The following RRBP1 variants were observed in gnomAD, a reference collection of about 807,000 sequenced individuals.
RRBP1 encodes ribosome binding protein 1, also known as ribosome-binding protein 1.
In RRBP1, 94 loss-of-function variants were observed where a neutral mutation model predicts 165.2. The observed-to-expected ratio is 0.57, with a 90% confidence interval of 0.48 to 0.68. The LOEUF (loss-of-function observed/expected upper bound fraction) is 0.68. Ranked by LOEUF, RRBP1 falls within the 30% of genes least tolerant of loss-of-function variation. The pLI is 0.00. For missense variants in RRBP1, 1,676 were observed against 1,763.0 expected (o/e 0.95, Z 0.88); for synonymous variants, 680 against 714.5 (o/e 0.95, Z 0.77).
chr20:17,623,540 G>A (rs2035955040), intron 13 of RRBP1, among the ~76,000 whole-genome samples: 1 of 152,208 alleles, frequency 6.6e-6, no homozygotes, highest in Non-Finnish European at 1.5e-5. Flanking sequence ...GGAGACACCT[G>A]CACACGCCCC....
intron 2 of RRBP1, among the ~76,000 whole-genome samples, chr20:17,663,817 T>G (rs1437644230): frequency 6.6e-6 from 1 of 152,158 alleles, no homozygotes. Flanking sequence ...CTTCTAGGGC[T>G]TCCTCCACTG....
At chr20:17,678,565 A>C (rs544720887) in intron 2 of RRBP1, among the ~76,000 whole-genome samples, 29 of 152,288 alleles carry the variant, frequency 1.9e-4, no homozygotes, top group African/African-American at 6.7e-4. Flanking sequence ...TCAACATATT[A>C]CCACATGATC....
At chr20:17,634,934 G>A (rs2036220904) in intron 7 of RRBP1, among the ~76,000 whole-genome samples, 1 of 152,202 alleles carries the variant, frequency 6.6e-6, no homozygotes, top group African/African-American at 2.4e-5. Flanking sequence ...CCCAGACAAG[G>A]ACTAAGGGTG....
intron 3 of RRBP1, among the ~76,000 whole-genome samples, chr20:17,657,621 G>GAGGAA (rs1222029697): frequency 9.2e-5 from 14 of 151,884 alleles, no homozygotes; most frequent in African/African-American, 3.1e-4. Context: ...GAGGAGAGGA[G>GAGGAA]AGGAAAGGAA....
In RRBP1 at chr20:17,659,514, C is replaced by T; in HGVS notation, c.994G>A (p.Ala332Thr). 1 of 1,548,638 alleles carries T rather than the reference C, an allele frequency of 6.5e-7. No individual in the cohort carries two copies. The highest frequency in any genetic ancestry group is 2.5e-5 in the East Asian group (1 of 40,714). Residue 332 changes from alanine to threonine, a missense_variant, in exon 3 of 25, where the codon GCC becomes ACC. By Grantham distance (58) the Ala-to-Thr change is moderately conservative. Coordinates refer to ENST00000377813, the MANE Select transcript of RRBP1 (RefSeq NM_001365613.2). ...TTGCCCTGATTCTGGGCCCCCTCGG[C>T]CTTCTTGCCCTGGTTCTGGGCCCCC... ...GEGAQNQGKK[A>T]EGAQNQGKKA... is the part of the protein sequence containing the mutation.
chr20:17,680,612 C>T (rs1040590301), intron 1 of RRBP1, among the ~76,000 whole-genome samples: 3 of 152,050 alleles, frequency 2.0e-5, no homozygotes, highest in Admixed American at 6.5e-5. Context: ...TGGTTCCCGA[C>T]CCTGTGAGTG....
chr20:17,627,753 T>C, intron 9 of RRBP1, 71 bp from the exon 10 acceptor site: 1 of 1,439,674 alleles, frequency 6.9e-7, no homozygotes, highest in Non-Finnish European at 9.4e-7. Flanking sequence ...ATGCCCTCAC[T>C]GCTGCCCTCT....
rs576582596 is a variant in RRBP1 at position 17,668,623 on chromosome 20, C to G, written c.-21-8095G>C. On this transcript the variant is annotated intron_variant, in intron 2 of 24. Coordinates refer to ENST00000377813, the MANE Select transcript of RRBP1 (RefSeq NM_001365613.2). ...GATAAATTCTTACCTGTCATCTCCC[C>G]TTGCGACTACTGGGCAGGTGTTCTT... Among the ~76,000 whole-genome samples, 47 of 152,332 alleles carry G rather than the reference C, an allele frequency of 3.1e-4. 1 individual carries two copies. Among genetic ancestry groups the G allele is most frequent in the African/African-American group, 1.0e-3 (43 of 41,572 alleles).
At position 17,631,133 on chromosome 20, in the gene RRBP1, G is replaced by A. The variant is rs141401927; in HGVS notation, c.2611-1172C>T. Reference sequence around the variant, plus strand: ...CAGTTCCAACTCCTAGGGAGGAAATGAAAGAAAGGAGTGACTGCAAGCTGC... The same window carrying A: ...CAGTTCCAACTCCTAGGGAGGAAATAAAAGAAAGGAGTGACTGCAAGCTGC... On this transcript the variant is annotated intron_variant, in intron 8 of 24. Transcript: ENST00000377813. Among the ~76,000 whole-genome samples, 1,116 of 152,356 alleles carry A rather than the reference G, an allele frequency of 7.3e-3. 20 individuals carry two copies. The highest frequency in any genetic ancestry group is 0.052 in the East Asian group (270 of 5,180).
chr20:17,627,491 G>A lies in RRBP1; in HGVS notation c.2928+13C>T. The A allele has an allele frequency of 1.9e-6, 3 of 1,606,908 alleles. No homozygotes were observed. Among genetic ancestry groups the A allele is most frequent in the Non-Finnish European group, 2.6e-6 (3 of 1,175,636 alleles). On this transcript the variant is annotated intron_variant, in intron 10 of 24. Transcript: ENST00000377813. ...TTCCCTTTCCTCCCCGTGGCCCCAG[G>A]CAGAAGGCTGACCTGGACGTCCTGG...
At chr20:17,656,531 T>C (rs2122432889) in intron 3 of RRBP1, among the ~76,000 whole-genome samples, 1 of 152,366 alleles carries the variant, frequency 6.6e-6, no homozygotes, top group East Asian at 1.9e-4. Flanking sequence ...CTAGATCATC[T>C]GCTGAACGTT....
At chr20:17,646,058 C>T (rs1568773104) in intron 3 of RRBP1, among the ~76,000 whole-genome samples, 1 of 152,150 alleles carries the variant, frequency 6.6e-6, no homozygotes, top group Non-Finnish European at 1.5e-5. Context: ...CACAGCAACA[C>T]CCCAGGGGCC....
intron 15 of RRBP1, 21 bp from the exon 16 acceptor site, chr20:17,621,568 T>A: frequency 6.2e-7 from 1 of 1,605,014 alleles, no homozygotes; most frequent in South Asian, 1.1e-5. Context: ...GAAGAACAGG[T>A]GTTTAGTTAG....
intron 11 of RRBP1, 138 bp downstream of exon 11, chr20:17,627,210 G>T (rs551217214): frequency 3.8e-6 from 3 of 799,386 alleles, no homozygotes; most frequent in Non-Finnish European, 4.0e-6. Flanking sequence ...ACCGGAGGAT[G>T]GGGGAGGGAA....
chr20:17,649,563 G>T (rs1420898490), intron 3 of RRBP1, among the ~76,000 whole-genome samples: 1 of 127,220 alleles, frequency 7.9e-6, no homozygotes. Context: ...AGCAAAGCAG[G>T]CTACACATGG....
chr20:17,619,813 G>A (rs2035873169), intron 18 of RRBP1, 85 bp from the exon 19 acceptor site: 1 of 945,656 alleles, frequency 1.1e-6, no homozygotes, highest in African/African-American at 1.6e-5. Context: ...GCTGGCCCTG[G>A]GATAGGTGAG....
intron 2 of RRBP1, among the ~76,000 whole-genome samples, chr20:17,665,819 C>T (rs1271894642): frequency 6.6e-6 from 1 of 152,150 alleles, no homozygotes; most frequent in Non-Finnish European, 1.5e-5. Flanking sequence ...TTATTTTCTT[C>T]AAAAGACTTT....
intron 12 of RRBP1, 64 bp downstream of exon 12, chr20:17,625,448 C>T: frequency 1.4e-6 from 2 of 1,458,114 alleles, no homozygotes; most frequent in South Asian, 2.3e-5. Flanking sequence ...CATAGCAGAA[C>T]CTTTCCCGGC....
chr20:17,614,186 A>T lies in RRBP1; in HGVS notation c.4229T>A (p.Val1410Asp). ...TTCTTTTTCCAAAGAGGAAACTCAG[A>T]CAGAGGTGCCCTCCTTTGAGCTGCT... is the stretch of plus-strand genomic sequence containing the variant. The part of the protein sequence containing the change: ...DGSSSKEGTS[V>D] The change falls in exon 25 of 25, where the codon GTC becomes GAC. Residue 1410 changes from valine to aspartate, a missense_variant. Physicochemically the swap from Val to Asp is radical, Grantham distance 152. Around this residue, in one of 5 missense-constraint regions of RRBP1, gnomAD observed 1,184 missense variants for 1,167.1 expected, o/e 1.01. Coordinates refer to ENST00000377813, the MANE Select transcript of RRBP1 (RefSeq NM_001365613.2). 6.2e-7 allele frequency: 1 copy of T among 1,613,936 alleles called. No individual in the cohort carries two copies. The highest frequency in any genetic ancestry group is 1.1e-5 in the South Asian group (1 of 91,084).
Sources: allele counts gnomAD v4.1 joint callset (sites outside exome capture counted in the v4.1 genomes callset), GRCh38; gene constraint gnomAD v4.1.1; regional missense constraint gnomAD v4.1.1; transcripts MANE v1.5; gene names NCBI Gene and HGNC (gene_info 2026-07-23, HGNC 2026-07-21).